Variants in NTM observed in about 807,000 individuals in gnomAD.
NTM encodes neurotrimin, also known as IgLON family member 2.
NTM carries 13 observed loss-of-function variants against 42.1 expected under a neutral mutation model. That is an observed-to-expected ratio of 0.31 (90% CI 0.20 to 0.49). NTM has a LOEUF of 0.49. NTM is among the 20% of genes least tolerant of loss of function. The probability of loss-of-function intolerance (pLI) is 0.99; values close to 1 mark genes in which losing one functional copy is unlikely to be tolerated. For synonymous variants in NTM, 187 were observed against 179.2 expected, an observed-to-expected ratio of 1.04 and a Z score of -0.35; for missense variants, 373 against 452.8, an observed-to-expected ratio of 0.82 and a Z score of 1.60.
chr11:131,430,032 C>G (rs1948524936), intron 1 of NTM, among the ~76,000 whole-genome samples: 1 of 152,172 alleles, frequency 6.6e-6, no homozygotes, highest in Admixed American at 6.5e-5. Context: ...TGCTCCAAAG[C>G]TATTTGCTGG....
intron 1 of NTM, among the ~76,000 whole-genome samples, chr11:131,467,698 AT>A (rs563182412): frequency 4.2e-4 from 64 of 152,370 alleles, no homozygotes; most frequent in Admixed American, 1.3e-3. Context: ...TTTTAAAAAA[AT>A]AAAATAGAAT....
intron 2 of NTM, among the ~76,000 whole-genome samples, chr11:131,996,910 C>T (rs910459526): frequency 1.7e-4 from 26 of 152,152 alleles, no homozygotes; most frequent in Non-Finnish European, 3.2e-4. Context: ...GGAAACACTC[C>T]TGTAAATGGG....
chr11:131,429,998 G>C (rs1948519995), intron 1 of NTM, among the ~76,000 whole-genome samples: 1 of 152,146 alleles, frequency 6.6e-6, no homozygotes, highest in South Asian at 2.1e-4. Context: ...CTGTTACCTA[G>C]TGTCGAATGA....
rs540982232 is a variant in NTM, at chr11:131,748,924, C to T, written c.83-162640C>T. ...ATGGGGGCTTTTGACATCAGAGGGGCCCCGGCTCGGCCTTTCTCTTGGGTG... is the reference window on the plus strand; with the variant it reads ...ATGGGGGCTTTTGACATCAGAGGGGTCCCGGCTCGGCCTTTCTCTTGGGTG... On this transcript the variant is annotated intron_variant, in intron 1 of 8. Transcript: ENST00000683400. Among the ~76,000 whole-genome samples, 5 of 152,288 alleles carry T rather than the reference C, an allele frequency of 3.3e-5. No homozygotes were observed. In the South Asian group the frequency reaches 1.0e-3, roughly 32 times the overall value.
At chr11:131,814,739 G>A (rs148797941) in intron 1 of NTM, among the ~76,000 whole-genome samples, 3 of 152,154 alleles carry the variant, frequency 2.0e-5, no homozygotes, top group East Asian at 1.9e-4. Flanking sequence ...CTGTCCTGCC[G>A]GGCTACGTCT....
chr11:131,972,661 T>C (rs1426641054), intron 2 of NTM, among the ~76,000 whole-genome samples: 3 of 152,190 alleles, frequency 2.0e-5, no homozygotes, highest in African/African-American at 2.4e-5. Flanking sequence ...ACATTGCTTT[T>C]CTGTTCATCT....
At chr11:131,736,342 A>T (rs559277576) in intron 1 of NTM, among the ~76,000 whole-genome samples, 17 of 152,296 alleles carry the variant, frequency 1.1e-4, no homozygotes, top group African/African-American at 4.1e-4. Flanking sequence ...CCTGCCTTCC[A>T]GTAACCCTCC....
At chr11:132,182,400 C>T (rs1311438190) in intron 3 of NTM, among the ~76,000 whole-genome samples, 1 of 152,184 alleles carries the variant, frequency 6.6e-6, no homozygotes, top group Non-Finnish European at 1.5e-5. Flanking sequence ...AGATCATGCT[C>T]ACTCATTGTG....
intron 1 of NTM, among the ~76,000 whole-genome samples, chr11:131,434,386 T>C (rs1948946087): frequency 6.6e-6 from 1 of 152,218 alleles, no homozygotes; most frequent in African/African-American, 2.4e-5. Context: ...ATGGCTGAAC[T>C]AATTTACACT....
intron 1 of NTM, among the ~76,000 whole-genome samples, chr11:131,640,056 T>C (rs1447808155): frequency 6.6e-6 from 1 of 152,042 alleles, no homozygotes; most frequent in East Asian, 1.9e-4. Context: ...TAGGAAGACA[T>C]GGGGGCGTCC....
At chr11:131,879,068 C>T (rs564719244) in intron 1 of NTM, among the ~76,000 whole-genome samples, 11 of 152,276 alleles carry the variant, frequency 7.2e-5, no homozygotes, top group African/African-American at 2.6e-4. Context: ...GGGCCAGAAT[C>T]CTTCCCAGGA....
intron 1 of NTM, among the ~76,000 whole-genome samples, chr11:131,861,351 G>A (rs1460431934): frequency 2.6e-5 from 4 of 152,086 alleles, no homozygotes; most frequent in Non-Finnish European, 4.4e-5. Context: ...TAATCCCCCA[G>A]CAGTGAGGGG....
chr11:131,528,522 A>T (rs541736891), intron 1 of NTM, among the ~76,000 whole-genome samples: 2 of 152,204 alleles, frequency 1.3e-5, no homozygotes, highest in Non-Finnish European at 2.9e-5. Flanking sequence ...ATGCTTCACC[A>T]ATATGCAATA....
chr11:131,833,300 T>C (rs1357512974), intron 1 of NTM, among the ~76,000 whole-genome samples: 1 of 152,248 alleles, frequency 6.6e-6, no homozygotes, highest in Non-Finnish European at 1.5e-5. Flanking sequence ...TAATTCACTT[T>C]CTATTGCTAT....
At chr11:131,902,714 A>G (rs1425827144) in intron 1 of NTM, among the ~76,000 whole-genome samples, 1 of 152,224 alleles carries the variant, frequency 6.6e-6, no homozygotes, top group African/African-American at 2.4e-5. Flanking sequence ...ATAACATCAC[A>G]GCAGTTCATC....
intron 4 of NTM, among the ~76,000 whole-genome samples, chr11:132,299,661 C>G (rs2094767324): frequency 6.6e-6 from 1 of 152,162 alleles, no homozygotes. Context: ...TGGGAACCAC[C>G]TATTTAGAAC....
intron 1 of NTM, among the ~76,000 whole-genome samples, chr11:131,681,290 C>T (rs1453201589): frequency 7.2e-5 from 1 of 13,830 alleles, no homozygotes; most frequent in Non-Finnish European, 1.8e-4. Flanking sequence ...TGTGTGTGAG[C>T]GTGTGTGTTT....
At chr11:131,668,332 G>A (rs1175118448) in intron 1 of NTM, among the ~76,000 whole-genome samples, 1 of 151,864 alleles carries the variant, frequency 6.6e-6, no homozygotes, top group African/African-American at 2.4e-5. Context: ...TATCAGCAAT[G>A]CCTGGATATT....
chr11:131,931,946 G>C (rs1006333147), intron 2 of NTM, among the ~76,000 whole-genome samples: 1 of 152,230 alleles, frequency 6.6e-6, no homozygotes, highest in Non-Finnish European at 1.5e-5. Flanking sequence ...TCAGAGTTGT[G>C]CGTGGCCTTC....
Sources: allele counts gnomAD v4.1 joint callset (sites outside exome capture counted in the v4.1 genomes callset), GRCh38; gene constraint gnomAD v4.1.1; transcripts MANE v1.5; gene names NCBI Gene and HGNC (gene_info 2026-07-23, HGNC 2026-07-21).